Variants in PARP8 observed in about 807,000 individuals in gnomAD.
PARP8 encodes the protein poly(ADP-ribose) polymerase family member 8, also known as protein mono-ADP-ribosyltransferase PARP8.
In PARP8, 51 loss-of-function variants were observed where a neutral mutation model predicts 124.1. The observed-to-expected ratio is 0.41, with a 90% CI of 0.33 to 0.52. PARP8 has a LOEUF of 0.52. Among genes scored for constraint, PARP8 ranks in the 20% least tolerant of loss-of-function variants. PARP8 has a pLI of 0.21. For synonymous variants in PARP8, 391 were observed against 361.5 expected, an observed-to-expected ratio of 1.08 and a Z score of -0.93; for missense variants, 860 against 1,018.9, an observed-to-expected ratio of 0.84 and a Z score of 2.12.
chr5:50,754,992 G>C (rs1232443888), intron 3 of PARP8, among the ~76,000 whole-genome samples: 4 of 152,158 alleles, frequency 2.6e-5, no homozygotes. Context: ...CTTTTGAGAA[G>C]TGTCTGTTCA....
chr5:50,822,269 G>A, intron 16 of PARP8, 66 bp from the exon 17 acceptor site: 1 of 1,057,766 alleles, frequency 9.5e-7, no homozygotes, highest in Non-Finnish European at 1.5e-6. Flanking sequence ...TTTCTCTAGT[G>A]ATATACAGAC....
At position 50,769,582 on chromosome 5, in the gene PARP8, G is replaced by C. The variant is rs7700920; in HGVS notation, c.518+6340G>C. Reference sequence around the variant, plus strand: ...TTCTATGAGAAGACAGATGCACATAGATTTTTTTTATCCAGTTGCTGTTTA... The same window carrying C: ...TTCTATGAGAAGACAGATGCACATACATTTTTTTTATCCAGTTGCTGTTTA... On this transcript the variant is annotated intron_variant, in intron 7 of 25. Transcript: ENST00000281631. Among the ~76,000 whole-genome samples, 8 of 151,852 alleles carry C rather than the reference G, an allele frequency of 5.3e-5. 1 individual carries two copies. Among genetic ancestry groups the C allele is most frequent in the African/African-American group, 1.9e-4 (8 of 41,452 alleles).
intron 14 of PARP8, among the ~76,000 whole-genome samples, chr5:50,808,743 A>C (rs549941519): frequency 6.6e-6 from 1 of 152,136 alleles, no homozygotes; most frequent in African/African-American, 2.4e-5. Flanking sequence ...TGGGAGTCCC[A>C]AGATTTGATT....
chr5:50,696,976 G>A (rs1287205251), intron 2 of PARP8, among the ~76,000 whole-genome samples: 1 of 152,128 alleles, frequency 6.6e-6, no homozygotes, highest in Non-Finnish European at 1.5e-5. Flanking sequence ...ACATTAAGAA[G>A]AATGAGTCTG....
At chr5:50,809,155 C>T (rs1744170635) in intron 14 of PARP8, among the ~76,000 whole-genome samples, 1 of 152,030 alleles carries the variant, frequency 6.6e-6, no homozygotes, top group Non-Finnish European at 1.5e-5. Context: ...TGTGGATCTG[C>T]CTTAATTGCT....
At chr5:50,821,047 G>A (rs994952010) in intron 15 of PARP8, among the ~76,000 whole-genome samples, 166 bp from the exon 16 acceptor site, 1 of 152,158 alleles carries the variant, frequency 6.6e-6, no homozygotes, top group Non-Finnish European at 1.5e-5. Context: ...TGAATTGATG[G>A]TAAAGTTTGG....
At chr5:50,680,863 G>A (rs912005030) in intron 2 of PARP8, among the ~76,000 whole-genome samples, 6 of 152,054 alleles carry the variant, frequency 3.9e-5, no homozygotes, top group African/African-American at 1.4e-4. Context: ...GGACCCAAGG[G>A]CATGCCTGAT....
chr5:50,770,623 A>G (rs1761516079), intron 7 of PARP8, among the ~76,000 whole-genome samples: 1 of 151,522 alleles, frequency 6.6e-6, no homozygotes, highest in Non-Finnish European at 1.5e-5. Context: ...GAAGGAAGGA[A>G]GGAGGGAGGG....
intron 14 of PARP8, among the ~76,000 whole-genome samples, chr5:50,801,296 T>C (rs1219874672): frequency 6.6e-6 from 1 of 151,974 alleles, no homozygotes; most frequent in Admixed American, 6.5e-5. Context: ...ACGGGGTTTC[T>C]TCGTGTTGGT....
intron 17 of PARP8, 89 bp from the exon 18 acceptor site, chr5:50,824,819 A>G (rs1181139529): frequency 4.2e-6 from 4 of 963,076 alleles, no homozygotes; most frequent in Non-Finnish European, 6.7e-6. Context: ...TTACTAGATT[A>G]GGCATATCGT....
At chr5:50,790,904 A>G (rs551634803) in intron 10 of PARP8, among the ~76,000 whole-genome samples, 50 of 152,250 alleles carry the variant, frequency 3.3e-4, no homozygotes, top group African/African-American at 1.1e-3. Flanking sequence ...TTTTGGTCTG[A>G]TATGTTTGTT....
At chr5:50,677,504 A>G (rs1253408613) in intron 2 of PARP8, among the ~76,000 whole-genome samples, 1 of 152,174 alleles carries the variant, frequency 6.6e-6, no homozygotes, top group African/African-American at 2.4e-5. Context: ...GTCCATCGTT[A>G]TGGGAAAACC....
intron 3 of PARP8, among the ~76,000 whole-genome samples, chr5:50,751,762 C>A (rs1310054529): frequency 2.6e-5 from 4 of 152,192 alleles, no homozygotes; most frequent in Middle Eastern, 6.8e-3. Flanking sequence ...AAAATCAAGT[C>A]TGTAATTCAG....
chr5:50,667,249 C>G, intron 1 of PARP8, 63 bp downstream of exon 1: 1 of 1,504,752 alleles, frequency 6.6e-7, no homozygotes, highest in South Asian at 1.1e-5. Flanking sequence ...CTGACCGCGA[C>G]GTCTGTGGCT....
At chr5:50,703,601 C>T (rs1409330128) in intron 2 of PARP8, among the ~76,000 whole-genome samples, 4 of 152,126 alleles carry the variant, frequency 2.6e-5, no homozygotes, top group Admixed American at 2.6e-4. Context: ...GAGAACAAAG[C>T]TGTGAAATCC....
Position 50,666,993 on chromosome 5 carries a change from CA to C in PARP8, c.-102del. On this transcript the variant is annotated 5_prime_UTR_variant, in exon 1 of 26. The change abolishes the stop of an existing upstream ORF in the 5' untranslated region. Coordinates refer to ENST00000281631, the MANE Select transcript of PARP8 (RefSeq NM_024615.4). ...CTTCGCCTTCAGCCCCTGCCTCGGC[CA>C]GAGGTTTCATTTTTAACTGAATATT... 1 of 1,562,028 alleles carries C rather than the reference CA, an allele frequency of 6.4e-7. No homozygotes were observed. Among genetic ancestry groups the C allele is most frequent in the Non-Finnish European group, 8.6e-7 (1 of 1,160,102 alleles).
chr5:50,773,542 TA>T (rs1186385037), intron 7 of PARP8, among the ~76,000 whole-genome samples: 3 of 152,224 alleles, frequency 2.0e-5, no homozygotes, highest in Admixed American at 2.0e-4. Flanking sequence ...TGTCTATTTT[TA>T]TGCTGGTCCC....
chr5:50,806,992 A>G (rs1450769033), intron 14 of PARP8, among the ~76,000 whole-genome samples: 1 of 151,908 alleles, frequency 6.6e-6, no homozygotes, highest in African/African-American at 2.4e-5. Flanking sequence ...GTTAAATAAA[A>G]CTCAGGTTTC....
At chr5:50,774,533 C>A (rs1328380709) in intron 7 of PARP8, among the ~76,000 whole-genome samples, 2 of 134,010 alleles carry the variant, frequency 1.5e-5, no homozygotes, top group Non-Finnish European at 3.2e-5. Flanking sequence ...GGTGGCCGGG[C>A]AGAGGCGCTC....
Sources: gnomAD v4.1 joint callset for allele counts (sites outside exome capture counted in the v4.1 genomes callset) on GRCh38, gnomAD v4.1.1 for gene constraint, MANE v1.5 for transcripts, NCBI Gene and HGNC (gene_info 2026-07-23, HGNC 2026-07-21) for gene names.